Variants in ADAM32 observed in about 807,000 individuals in gnomAD.
ADAM32 encodes the protein ADAM metallopeptidase domain 32, also known as disintegrin and metalloproteinase domain-containing protein 32.
In ADAM32, 89 loss-of-function variants were observed where a neutral mutation model predicts 114.9. That is an observed-to-expected ratio of 0.77 (90% CI 0.65 to 0.92). The LOEUF (loss-of-function observed/expected upper bound fraction) is 0.92, where lower values mean the gene tolerates loss of function less well. Ranked by LOEUF, ADAM32 falls within the 40% of genes least tolerant of loss-of-function variation. The pLI, the probability that ADAM32 is intolerant of heterozygous loss-of-function variation, is 0.00. For synonymous variants in ADAM32, 285 were observed against 307.5 expected, an observed-to-expected ratio of 0.93 and a Z score of 0.77; for missense variants, 870 against 932.8, an observed-to-expected ratio of 0.93 and a Z score of 0.88.
At chr8:39,131,933 G>A (rs1237618871) in intron 2 of ADAM32, 7 of 218,028 alleles carry the variant, frequency 3.2e-5, no homozygotes, top group East Asian at 3.6e-4. Flanking sequence ...CGCTCTTGTC[G>A]CTCAGGCTGG....
intron 14 of ADAM32, among the ~76,000 whole-genome samples, chr8:39,230,421 G>A (rs1253306978): frequency 3.3e-5 from 5 of 152,188 alleles, no homozygotes; most frequent in Admixed American, 6.5e-5. Context: ...TAATAAAATT[G>A]AGTTGGTTGG....
At chr8:39,202,366 G>A (rs1807484410) in intron 11 of ADAM32, among the ~76,000 whole-genome samples, 2 of 152,180 alleles carry the variant, frequency 1.3e-5, no homozygotes, top group Admixed American at 1.3e-4. Context: ...GAGGGTGTAT[G>A]TGTCCAGGAA....
At chr8:39,270,962 G>C (rs1488889885) in intron 20 of ADAM32, 48 bp downstream of exon 20, 1 of 1,533,370 alleles carries the variant, frequency 6.5e-7, no homozygotes, top group East Asian at 2.3e-5. Flanking sequence ...AAAATTAAGA[G>C]TTAATTGATA....
At chr8:39,236,323 A>C (rs1810141904) in intron 16 of ADAM32, among the ~76,000 whole-genome samples, 1 of 152,178 alleles carries the variant, frequency 6.6e-6, no homozygotes, top group Non-Finnish European at 1.5e-5. Flanking sequence ...ATGTGCAATT[A>C]ATACAAGATA....
At chr8:39,237,832 A>T (rs189589608) in intron 16 of ADAM32, among the ~76,000 whole-genome samples, 23 of 152,254 alleles carry the variant, frequency 1.5e-4, no homozygotes, top group African/African-American at 5.1e-4. Context: ...ACAGTAACTC[A>T]TGGGAGCTCT....
intron 11 of ADAM32, among the ~76,000 whole-genome samples, chr8:39,191,998 T>G (rs754490421): frequency 6.6e-6 from 1 of 152,222 alleles, no homozygotes; most frequent in Non-Finnish European, 1.5e-5. Flanking sequence ...AATTTGGCTG[T>G]GACTCTGTCT....
At chr8:39,274,863 C>T (rs1249909593) in intron 21 of ADAM32, among the ~76,000 whole-genome samples, 1 of 152,096 alleles carries the variant, frequency 6.6e-6, no homozygotes, top group African/African-American at 2.4e-5. Context: ...GCAGAAGACT[C>T]CTTGTGGAGG....
intron 1 of ADAM32, 35 bp downstream of exon 1, chr8:39,107,868 G>T (rs752669021): frequency 8.6e-6 from 13 of 1,503,676 alleles, no homozygotes; most frequent in Non-Finnish European, 9.8e-6. Flanking sequence ...TAGTCCGGGC[G>T]CTCGTCACAC....
intron 11 of ADAM32, among the ~76,000 whole-genome samples, chr8:39,195,643 A>G (rs1009389687): frequency 1.3e-5 from 2 of 151,490 alleles, no homozygotes; most frequent in African/African-American, 2.4e-5. Context: ...TCTTCTGCAT[A>G]TGGATATCCA....
chr8:39,198,739 AT>A (rs11352281), intron 11 of ADAM32, among the ~76,000 whole-genome samples: 109,481 of 151,056 alleles, frequency 0.72, 41,746 homozygotes, highest in South Asian at 0.92. Flanking sequence ...AGCGTTTAAC[AT>A]TTTTTTTTTC....
rs750160651 is a variant in ADAM32 at position 39,122,391 on chromosome 8, TAAG to T, written c.138+4231_138+4233del. 2.8e-4 allele frequency among the ~76,000 whole-genome samples: 42 copies of T among 152,070 alleles called. 1 individual carries two copies. Among genetic ancestry groups the T allele is most frequent in the Non-Finnish European group, 4.4e-5 (3 of 68,028 alleles). ...TAATCTGATTGGACTGGTGTCCTTA[TAAG>T]AAGAGGAAGAGATACAAGAGGTCCT... On this transcript the variant is annotated intron_variant, in intron 2 of 24. Transcript: ENST00000379907.
At chr8:39,134,485 T>C (rs557820398) in intron 2 of ADAM32, among the ~76,000 whole-genome samples, 67 of 152,222 alleles carry the variant, frequency 4.4e-4, no homozygotes, top group African/African-American at 1.5e-3. Flanking sequence ...TATTTGCTTG[T>C]CTTTCCTTCT....
At chr8:39,141,889 A>G (rs531346036) in intron 3 of ADAM32, among the ~76,000 whole-genome samples, 1 of 152,262 alleles carries the variant, frequency 6.6e-6, no homozygotes, top group Admixed American at 6.5e-5. Context: ...TTGGGTGCAT[A>G]TATATTTAGG....
intron 11 of ADAM32, among the ~76,000 whole-genome samples, chr8:39,200,450 G>A (rs1046771839): frequency 2.0e-4 from 15 of 73,636 alleles, no homozygotes; most frequent in East Asian, 4.6e-4. Flanking sequence ...CATCTCCTTC[G>A]CCCACTTTTT....
At chr8:39,112,715 G>A (rs1474520897) in intron 1 of ADAM32, among the ~76,000 whole-genome samples, 4 of 152,162 alleles carry the variant, frequency 2.6e-5, no homozygotes, top group African/African-American at 9.7e-5. Flanking sequence ...TGCCCCCAAA[G>A]TACACAGGTA....
chr8:39,233,877 T>C, intron 15 of ADAM32, 22 bp from the exon 16 acceptor site: 2 of 1,366,512 alleles, frequency 1.5e-6, no homozygotes, highest in Non-Finnish European at 9.7e-7. Context: ...ATAATAATCA[T>C]ATATATTTTT....
intron 11 of ADAM32, among the ~76,000 whole-genome samples, chr8:39,203,816 A>T (rs1179733235): frequency 6.6e-6 from 1 of 152,126 alleles, no homozygotes; most frequent in African/African-American, 2.4e-5. Context: ...AGCTCTTATA[A>T]GGCAGGCCTG....
chr8:39,170,339 A>G (rs1428589081), intron 10 of ADAM32, among the ~76,000 whole-genome samples: 2 of 152,166 alleles, frequency 1.3e-5, no homozygotes, highest in Admixed American at 6.5e-5. Flanking sequence ...ATTCTTATAG[A>G]TAAAATAGAT....
intron 16 of ADAM32, among the ~76,000 whole-genome samples, chr8:39,243,995 C>G (rs1810731973): frequency 6.6e-6 from 1 of 152,096 alleles, no homozygotes; most frequent in African/African-American, 2.4e-5. Context: ...CAACAGTGGC[C>G]AAGCTGAGAA....
Sources: allele counts gnomAD v4.1 joint callset (sites outside exome capture counted in the v4.1 genomes callset), GRCh38; gene constraint gnomAD v4.1.1; transcripts MANE v1.5; gene names NCBI Gene and HGNC (gene_info 2026-07-23, HGNC 2026-07-21).